Variants in CHST8 observed in about 807,000 individuals in gnomAD.
CHST8 encodes the protein GALNAC-4-ST1.
Under a neutral mutation model 15.0 loss-of-function variants are expected in CHST8, and 10 were observed. That is an observed-to-expected ratio of 0.67 (90% CI 0.41 to 1.13). The LOEUF is 1.13. Among genes scored for constraint, CHST8 ranks in the 50% most tolerant of loss-of-function variants. The pLI, the probability that CHST8 is intolerant of heterozygous loss-of-function variation, is 0.00. For synonymous variants in CHST8, 259 were observed against 256.6 expected (o/e 1.01, Z -0.09); for missense variants, 634 against 608.2 (o/e 1.04, Z -0.45).
rs1973152990 is a variant in CHST8 at position 33,694,104 on chromosome 19, A to ATATATATATATATG, written c.130+4726_130+4727insGTATATATATATAT. On this transcript the variant is annotated intron_variant, in intron 3 of 4. Transcript: ENST00000650847. ...TGTTGTAGTTTATTCATATATATAT[A>ATATATATATATATG]TATATATATATATATATATATATAT... 2.8e-5 allele frequency among the ~76,000 whole-genome samples: 2 copies of ATATATATATATATG among 70,426 alleles called. 1 individual carries two copies. Among genetic ancestry groups the ATATATATATATATG allele is most frequent in the Non-Finnish European group, 5.7e-5 (2 of 35,040 alleles). The allele number at this position is 70,426 out of a possible 152,430, so 46.2% of individuals were successfully genotyped here.
At chr19:33,658,937 T>A (rs1972548417) in intron 1 of CHST8, among the ~76,000 whole-genome samples, 1 of 151,336 alleles carries the variant, frequency 6.6e-6, no homozygotes, top group Non-Finnish European at 1.5e-5. Context: ...TAATAGTTTG[T>A]TTGACTATTC....
chr19:33,703,120 C>T (rs1973377622), intron 3 of CHST8, among the ~76,000 whole-genome samples: 1 of 152,220 alleles, frequency 6.6e-6, no homozygotes, highest in South Asian at 2.1e-4. Context: ...GGGGAGACTC[C>T]ACTCCCCAAG....
chr19:33,674,464 T>G (rs1360022268), intron 2 of CHST8, among the ~76,000 whole-genome samples: 1 of 152,212 alleles, frequency 6.6e-6, no homozygotes, highest in African/African-American at 2.4e-5. Context: ...CATATGGCTT[T>G]TACAAGTGGG....
intron 1 of CHST8, among the ~76,000 whole-genome samples, chr19:33,647,090 C>G (rs1258808605): frequency 1.3e-5 from 2 of 152,156 alleles, no homozygotes; most frequent in Admixed American, 6.5e-5. Context: ...AAGGTGGTTT[C>G]AGAGATAATA....
At chr19:33,629,827 C>T (rs1011058218) in intron 1 of CHST8, among the ~76,000 whole-genome samples, 10 of 152,372 alleles carry the variant, frequency 6.6e-5, no homozygotes, top group African/African-American at 2.4e-4. Context: ...TAGGCCCCCT[C>T]CCAGGGCTGA....
In CHST8 at chr19:33,629,178, A is replaced by G. The variant is rs538936415; in HGVS notation, c.-164+6882A>G. On this transcript the variant is annotated intron_variant, in intron 1 of 4. Transcript: ENST00000650847. ...ATTGAGGATGGGCCTCCACTGGGGG[A>G]ATGGAGCTGACCACCCACTGTGGCT... 7.9e-5 allele frequency among the ~76,000 whole-genome samples: 12 copies of G among 152,200 alleles called. No individual in the cohort carries two copies. In the East Asian group the frequency reaches 1.9e-3, roughly 24 times the overall value.
chr19:33,666,760 T>C (rs1472953862), intron 1 of CHST8, among the ~76,000 whole-genome samples: 1 of 152,196 alleles, frequency 6.6e-6, no homozygotes, highest in Non-Finnish European at 1.5e-5. Context: ...TGGAGTGCAG[T>C]GGTGTGATCT....
chr19:33,711,998 G>T (rs779225329), intron 3 of CHST8, among the ~76,000 whole-genome samples: 1 of 152,184 alleles, frequency 6.6e-6, no homozygotes, highest in Non-Finnish European at 1.5e-5. Context: ...CAACGTGGAA[G>T]TTTAGACAGG....
At chr19:33,711,371 G>A (rs1973545732) in intron 3 of CHST8, among the ~76,000 whole-genome samples, 1 of 152,158 alleles carries the variant, frequency 6.6e-6, no homozygotes, top group South Asian at 2.1e-4. Context: ...TGTAAATAGA[G>A]CCCTCAGAAG....
chr19:33,696,759 G>A (rs1973224622), intron 3 of CHST8, among the ~76,000 whole-genome samples: 1 of 151,796 alleles, frequency 6.6e-6, no homozygotes, highest in African/African-American at 2.4e-5. Context: ...GTTTCCCATA[G>A]TGGTTGTACT....
intron 1 of CHST8, among the ~76,000 whole-genome samples, chr19:33,652,939 C>G (rs1369187900): frequency 6.6e-6 from 1 of 152,168 alleles, no homozygotes; most frequent in Non-Finnish European, 1.5e-5. Flanking sequence ...ACATAATGAT[C>G]TTGGAACACT....
intron 1 of CHST8, among the ~76,000 whole-genome samples, chr19:33,624,216 C>G (rs911765962): frequency 1.3e-5 from 2 of 152,190 alleles, no homozygotes; most frequent in Non-Finnish European, 1.5e-5. Context: ...AATTATTTAT[C>G]GAGAGGCATC....
chr19:33,752,480 G>T (rs1252455329), intron 3 of CHST8, among the ~76,000 whole-genome samples: 1 of 152,172 alleles, frequency 6.6e-6, no homozygotes, highest in Non-Finnish European at 1.5e-5. Context: ...TGTGTTGGCC[G>T]ATTAATATTC....
chr19:33,676,352 T>C (rs1489156842), intron 2 of CHST8, among the ~76,000 whole-genome samples: 1 of 152,140 alleles, frequency 6.6e-6, no homozygotes, highest in Non-Finnish European at 1.5e-5. Context: ...GGCGGATCGC[T>C]TGAGGCCAGC....
At chr19:33,634,174 A>C (rs1356110538) in intron 1 of CHST8, among the ~76,000 whole-genome samples, 1 of 152,074 alleles carries the variant, frequency 6.6e-6, no homozygotes, top group Non-Finnish European at 1.5e-5. Flanking sequence ...CCTCCTCACC[A>C]GTATATGCAT....
At chr19:33,716,732 A>T (rs2145302688) in intron 3 of CHST8, among the ~76,000 whole-genome samples, 1 of 152,210 alleles carries the variant, frequency 6.6e-6, no homozygotes, top group East Asian at 1.9e-4. Context: ...TGAGGAGTCA[A>T]CCCTCTTGGT....
intron 3 of CHST8, among the ~76,000 whole-genome samples, chr19:33,771,211 C>T (rs565939590): frequency 6.6e-6 from 1 of 152,250 alleles, no homozygotes; most frequent in Admixed American, 6.5e-5. Flanking sequence ...AGTGGGACCA[C>T]ATGTTTGCTG....
At chr19:33,686,334 C>G (rs1166043411) in intron 2 of CHST8, among the ~76,000 whole-genome samples, 4 of 152,016 alleles carry the variant, frequency 2.6e-5, no homozygotes, top group African/African-American at 9.7e-5. Context: ...GTGGCTGGAG[C>G]CAGGCATCAT....
chr19:33,766,319 C>T (rs1426766776), intron 3 of CHST8, among the ~76,000 whole-genome samples: 2 of 151,988 alleles, frequency 1.3e-5, no homozygotes, highest in African/African-American at 4.8e-5. Flanking sequence ...TAGCATGCCA[C>T]CCCCCCATTC....
Sources: gnomAD v4.1 joint callset for allele counts (sites outside exome capture counted in the v4.1 genomes callset) on GRCh38, gnomAD v4.1.1 for gene constraint, MANE v1.5 for transcripts, NCBI Gene and HGNC (gene_info 2026-07-23, HGNC 2026-07-21) for gene names.